Variants in USH2A observed in about 807,000 individuals in gnomAD.
The protein encoded by USH2A is usherin, also known as Usher syndrome 2A (autosomal recessive, mild).
Under a neutral mutation model 538.9 loss-of-function variants are expected in USH2A, and 443 were observed. The observed-to-expected ratio is 0.82, with a 90% CI of 0.76 to 0.89. The LOEUF is 0.89. Ranked by LOEUF, USH2A falls within the 40% of genes least tolerant of loss-of-function variation. USH2A has a pLI of 0.00. For synonymous variants in USH2A, 2,413 were observed against 2,273.5 expected, an observed-to-expected ratio of 1.06 and a Z score of -1.75; for missense variants, 6,633 against 6,324.8, an observed-to-expected ratio of 1.05 and a Z score of -1.65.
intron 11 of USH2A, among the ~76,000 whole-genome samples, chr1:216,268,986 C>T (rs1031835380): frequency 6.6e-6 from 1 of 152,122 alleles, no homozygotes; most frequent in Non-Finnish European, 1.5e-5. Context: ...TCTTTCTCTT[C>T]CAACTCCCCA....
intron 21 of USH2A, among the ~76,000 whole-genome samples, chr1:216,112,464 A>G (rs2032898398): frequency 6.6e-6 from 1 of 152,152 alleles, no homozygotes; most frequent in African/African-American, 2.4e-5. Flanking sequence ...GTGTTTTATA[A>G]AAACTTTTAT....
intron 50 of USH2A, among the ~76,000 whole-genome samples, chr1:215,794,060 A>G (rs1662053185): frequency 6.6e-6 from 1 of 152,212 alleles, no homozygotes; most frequent in African/African-American, 2.4e-5. Flanking sequence ...AAGAATACAT[A>G]TCCACTGAAA....
intron 40 of USH2A, among the ~76,000 whole-genome samples, chr1:215,893,270 G>C (rs983808052): frequency 6.6e-6 from 1 of 152,084 alleles, no homozygotes; most frequent in African/African-American, 2.4e-5. Flanking sequence ...AAATGCTATA[G>C]AAAATGATTA....
chr1:216,301,164 A>G (rs2037209832), intron 9 of USH2A, among the ~76,000 whole-genome samples: 1 of 152,208 alleles, frequency 6.6e-6, no homozygotes, highest in African/African-American at 2.4e-5. Context: ...TTATTCAGTC[A>G]CTTATACAAC....
chr1:216,328,737 T>C (rs913168780), intron 4 of USH2A, among the ~76,000 whole-genome samples: 16 of 151,976 alleles, frequency 1.1e-4, no homozygotes, highest in African/African-American at 3.6e-4. Context: ...TAGTCTGAGA[T>C]AGTGATCTCA....
chr1:216,142,511 G>A (rs547795825), intron 21 of USH2A, among the ~76,000 whole-genome samples: 1 of 152,244 alleles, frequency 6.6e-6, no homozygotes, highest in South Asian at 2.1e-4. Context: ...TTTTAGTCCT[G>A]CTTGTCTAAT....
chr1:215,935,627 T>A (rs1274634331), intron 37 of USH2A, among the ~76,000 whole-genome samples: 1 of 151,918 alleles, frequency 6.6e-6, no homozygotes, highest in Non-Finnish European at 1.5e-5. Flanking sequence ...CTCTCTCTCT[T>A]ACACCATTAG....
intron 43 of USH2A, among the ~76,000 whole-genome samples, chr1:215,869,229 G>A (rs952028580): frequency 6.6e-6 from 1 of 152,106 alleles, no homozygotes; most frequent in African/African-American, 2.4e-5. Flanking sequence ...TAAGTAGGAG[G>A]ACTGAGATTC....
Position 216,073,687 on chromosome 1 carries a change from T to G in USH2A, c.5573-387A>C, listed in dbSNP as rs140450964. Among the ~76,000 whole-genome samples, 268 of 152,352 alleles carry G rather than the reference T, an allele frequency of 1.8e-3. 2 individuals are homozygous for G. The highest frequency in any genetic ancestry group is 3.4e-3 in the Middle Eastern group (1 of 294). On this transcript the variant is annotated intron_variant, in intron 27 of 71. Coordinates refer to ENST00000307340, the MANE Select transcript of USH2A (RefSeq NM_206933.4). ...AATTCTGAAAGATTAAGTTACTATA[T>G]AAGTCAGTTTTAAGTGCCAAAAAAT...
At chr1:216,148,545 C>G (rs2033761883) in intron 21 of USH2A, among the ~76,000 whole-genome samples, 1 of 152,142 alleles carries the variant, frequency 6.6e-6, no homozygotes, top group Admixed American at 6.5e-5. Context: ...TATCCCACCT[C>G]ACAGCATGCT....
intron 32 of USH2A, among the ~76,000 whole-genome samples, chr1:216,037,949 C>T (rs73094512): frequency 0.19 from 29,374 of 151,706 alleles, 3,471 homozygotes; most frequent in African/African-American, 0.34. Flanking sequence ...TTTGGTTTTC[C>T]GTTCCTATGT....
Position 216,239,227 on chromosome 1 carries a change from C to T in USH2A, c.2810-7091G>A, listed in dbSNP as rs562087357. 3.3e-5 allele frequency among the ~76,000 whole-genome samples: 5 copies of T among 152,170 alleles called. No individual in the cohort carries two copies. The South Asian group carries it at 1.0e-3, about 32-fold the overall frequency. ...TTCGTGGGCTATGAATATGTGCAGA[C>T]TATATCTTGTTTTGTTAAAAAATAT... On this transcript the variant is annotated intron_variant, in intron 13 of 71. Coordinates refer to ENST00000307340, the MANE Select transcript of USH2A (RefSeq NM_206933.4).
In USH2A at chr1:216,072,889, C is replaced by T; in HGVS notation, c.5857G>A (p.Ala1953Thr). 6.2e-7 allele frequency: 1 copy of T among 1,613,556 alleles called. No individual in the cohort carries two copies. The highest frequency in any genetic ancestry group is 8.5e-7 in the Non-Finnish European group (1 of 1,179,612). Residue 1953 changes from alanine to threonine, a missense_variant and splice_region_variant, in exon 29 of 72, where the codon GCT (alanine) becomes ACT (threonine). Ala to Thr is a moderately conservative substitution (Grantham distance 58). Coordinates refer to ENST00000307340, the MANE Select transcript of USH2A (RefSeq NM_206933.4). ...TATGCATTTGAAGATAAGTATTTAC[C>T]TGCTCCTGTTGTACGTCCTCGACTC... ...DWSRGRTTGA[A>T]PQSVPTPSRV...
chr1:215,662,866 C>T (rs1657486285), intron 64 of USH2A, among the ~76,000 whole-genome samples: 1 of 152,000 alleles, frequency 6.6e-6, no homozygotes, highest in Non-Finnish European at 1.5e-5. Context: ...AATGCAAGTC[C>T]AAAACTAAAC....
intron 58 of USH2A, among the ~76,000 whole-genome samples, chr1:215,754,006 T>C (rs1660710202): frequency 6.6e-6 from 1 of 152,162 alleles, no homozygotes; most frequent in African/African-American, 2.4e-5. Context: ...AAGGAACTGG[T>C]CTTAAAAGGC....
chr1:215,991,637 G>A (rs1356717074), intron 35 of USH2A, among the ~76,000 whole-genome samples: 2 of 152,170 alleles, frequency 1.3e-5, no homozygotes, highest in African/African-American at 4.8e-5. Context: ...TGCTTGATGA[G>A]TACATTTTAA....
In USH2A at chr1:216,325,376, CAT is replaced by C; in HGVS notation, c.1070_1071del (p.Asn357SerfsTer9). The C allele has an allele frequency of 6.2e-7, 1 of 1,613,892 alleles. No homozygotes were observed. Among genetic ancestry groups the C allele is most frequent in the Non-Finnish European group, 8.5e-7 (1 of 1,179,898 alleles). On this transcript the variant is annotated frameshift_variant, in exon 6 of 72. Coordinates refer to ENST00000307340, the MANE Select transcript of USH2A (RefSeq NM_206933.4). LOFTEE classifies it high-confidence loss of function. ...DNDVGTSWVS[N>X]VFTNITQLNQ... ...TTAAGCTGTGTAATGTTTGTAAACA[CAT>C]TTGAAACCCATGAAGTACCAACATC... is the stretch of plus-strand genomic sequence containing the variant.
intron 47 of USH2A, among the ~76,000 whole-genome samples, chr1:215,827,537 ATTCTAT>A (rs1663189055): frequency 6.6e-6 from 1 of 152,152 alleles, no homozygotes; most frequent in Non-Finnish European, 1.5e-5. Flanking sequence ...TTCTGACACT[ATTCTAT>A]TAAGGTCTCC....
At chr1:215,720,421 CA>C (rs988613084) in intron 61 of USH2A, among the ~76,000 whole-genome samples, 11 of 152,264 alleles carry the variant, frequency 7.2e-5, no homozygotes, top group Non-Finnish European at 1.6e-4. Context: ...TGACTAGAGT[CA>C]AAAGGGTCTT....
Sources: allele counts gnomAD v4.1 joint callset (sites outside exome capture counted in the v4.1 genomes callset), GRCh38; gene constraint gnomAD v4.1.1; transcripts MANE v1.5; gene names NCBI Gene and HGNC (gene_info 2026-07-23, HGNC 2026-07-21).